KIAA1671: variants seen among roughly 807,000 people sequenced by gnomAD.
KIAA1671 encodes the protein uncharacterized protein KIAA1671.
A neutral mutation model predicts 131.2 loss-of-function variants in KIAA1671; 52 were observed. The observed-to-expected ratio is 0.40, with a 90% CI of 0.32 to 0.50. The LOEUF is 0.50. Among genes scored for constraint, KIAA1671 ranks in the 20% least tolerant of loss-of-function variants. KIAA1671 has a pLI of 0.73. For synonymous variants in KIAA1671, 1,003 were observed against 961.6 expected (o/e 1.04, Z -0.80); for missense variants, 2,360 against 2,364.2 (o/e 1.00, Z 0.04).
intron 10 of KIAA1671, among the ~76,000 whole-genome samples, chr22:25,183,426 TTCCCTCCCTCCCTCCCTCCCTCCC>T (rs67759608): frequency 9.0e-6 from 1 of 110,908 alleles, no homozygotes; most frequent in Non-Finnish European, 1.8e-5. Context: ...CTGACTTTCT[TTCCCTCCCTCCCTCCCTCCCTCCC>T]TCCCTCCCTC....
intron 1 of KIAA1671, among the ~76,000 whole-genome samples, chr22:24,990,577 T>C (rs774293199): frequency 3.3e-5 from 5 of 152,226 alleles, no homozygotes; most frequent in Non-Finnish European, 4.4e-5. Context: ...GGTGGTGGTA[T>C]GAGGTTTGGG....
At chr22:24,963,628 C>G (rs1407881610) in intron 1 of KIAA1671, among the ~76,000 whole-genome samples, 1 of 152,060 alleles carries the variant, frequency 6.6e-6, no homozygotes, top group African/African-American at 2.4e-5. Context: ...TCTGCCTAGA[C>G]TCTTTGCCTT....
At chr22:25,120,668 T>C (rs1202647626) in intron 6 of KIAA1671, among the ~76,000 whole-genome samples, 1 of 152,252 alleles carries the variant, frequency 6.6e-6, no homozygotes, top group African/African-American at 2.4e-5. Flanking sequence ...TAACATCACA[T>C]TGATGAAAAC....
intron 6 of KIAA1671, among the ~76,000 whole-genome samples, chr22:25,084,555 C>T (rs1929599675): frequency 6.6e-6 from 1 of 152,006 alleles, no homozygotes; most frequent in Non-Finnish European, 1.5e-5. Context: ...AGGGCAGGGA[C>T]CTGTTGAAGA....
intron 6 of KIAA1671, among the ~76,000 whole-genome samples, chr22:25,137,631 T>C (rs559459302): frequency 1.3e-5 from 2 of 152,378 alleles, no homozygotes; most frequent in African/African-American, 2.4e-5. Flanking sequence ...AAACTGGACA[T>C]GTGCTGAGGA....
intron 4 of KIAA1671, 63 bp downstream of exon 4, chr22:25,032,759 A>G: frequency 9.8e-7 from 1 of 1,020,110 alleles, no homozygotes; most frequent in Non-Finnish European, 1.5e-6. Flanking sequence ...TGCTGGAGAA[A>G]GAGCCTCCAT....
rs189917497 is a variant in KIAA1671, at chr22:25,149,454, C to T, written c.4531-21366C>T. Among the ~76,000 whole-genome samples, 13 of 152,246 alleles carry T rather than the reference C, an allele frequency of 8.5e-5. No individual in the cohort carries two copies. In the East Asian group the frequency reaches 1.5e-3, roughly 18 times the overall value. On this transcript the variant is annotated intron_variant, in intron 6 of 12. Coordinates refer to ENST00000358431, the MANE Select transcript of KIAA1671 (RefSeq NM_001145206.2). ...GTGGAAGATTTGATTTTCTGGGGTG[C>T]TGATCACCATCCCTGGCTTGAATCC...
At chr22:25,159,012 C>A (rs1933343838) in intron 6 of KIAA1671, among the ~76,000 whole-genome samples, 1 of 152,110 alleles carries the variant, frequency 6.6e-6, no homozygotes, top group African/African-American at 2.4e-5. Flanking sequence ...ATTCTTATTG[C>A]CTCCCTGCCT....
intron 6 of KIAA1671, among the ~76,000 whole-genome samples, chr22:25,137,010 C>T (rs1419971557): frequency 6.6e-6 from 1 of 152,164 alleles, no homozygotes; most frequent in Non-Finnish European, 1.5e-5. Context: ...TTCAGCTCCG[C>T]AATCCTATTA....
At position 25,195,387 on chromosome 22, in the gene KIAA1671, T is replaced by C. The variant is rs1471728051; in HGVS notation, c.*2986T>C. 6.6e-6 allele frequency: 1 copy of C among 151,970 alleles called. No homozygotes were observed. Among genetic ancestry groups the C allele is most frequent in the African/African-American group, 2.4e-5 (1 of 41,394 alleles). 9.4% of individuals were successfully genotyped at this position (151,970 alleles called of 1,614,324 possible). A position where few individuals can be genotyped will look rare whatever the true frequency, so the allele number is the denominator to read the frequency against. On this transcript the variant is annotated 3_prime_UTR_variant, in exon 13 of 13. Transcript: ENST00000358431. ...GATTACTCCATGCCACCGGAGAAAC[T>C]CTGGTGAAAGAGAAACCTCGTGGTC... is the stretch of plus-strand genomic sequence containing the variant.
In KIAA1671 at chr22:25,029,237, T is replaced by A. The variant is rs1926131642; in HGVS notation, c.1238T>A (p.Leu413His). 2 of 1,475,024 alleles carry A rather than the reference T, an allele frequency of 1.4e-6. No individual in the cohort carries two copies. The highest frequency in any genetic ancestry group is 1.8e-6 in the Non-Finnish European group (2 of 1,108,274). The allele number at this position is 1,475,024 out of a possible 1,614,324, so 91.4% of individuals were successfully genotyped here. The change falls in exon 3 of 13, where the codon CTT (leucine) becomes CAT (histidine). Residue 413 changes from leucine (L) to histidine (H), a missense_variant. Coordinates refer to ENST00000358431, the MANE Select transcript of KIAA1671 (RefSeq NM_001145206.2). Reference sequence around the variant, plus strand: ...CCCAGGCTGGGAAGGGGCCTAGAACTTGCTGAGGTTAAGAGCAGAGTGGCG... The same window carrying A: ...CCCAGGCTGGGAAGGGGCCTAGAACATGCTGAGGTTAAGAGCAGAGTGGCG... ...PSPRLGRGLE[L>H]AEVKSRVADG... is the part of the protein sequence containing the mutation.
intron 1 of KIAA1671, among the ~76,000 whole-genome samples, chr22:24,977,570 C>A (rs1385601263): frequency 6.6e-6 from 1 of 152,354 alleles, no homozygotes; most frequent in Admixed American, 6.5e-5. Flanking sequence ...CCACCTCCCC[C>A]AGCCCACCCT....
chr22:24,973,531 A>C (rs1397718165), intron 1 of KIAA1671, among the ~76,000 whole-genome samples: 1 of 148,692 alleles, frequency 6.7e-6, no homozygotes, highest in Non-Finnish European at 1.5e-5. Flanking sequence ...AGTAGCTGGG[A>C]TACAGGCATG....
At chr22:25,020,277 G>C (rs899955589) in intron 1 of KIAA1671, among the ~76,000 whole-genome samples, 1 of 152,166 alleles carries the variant, frequency 6.6e-6, no homozygotes, top group African/African-American at 2.4e-5. Flanking sequence ...TTGTTGAGAA[G>C]ATGAATGAGA....
chr22:25,100,610 C>A (rs1019629544), intron 6 of KIAA1671, among the ~76,000 whole-genome samples: 1 of 152,198 alleles, frequency 6.6e-6, no homozygotes, highest in Non-Finnish European at 1.5e-5. Flanking sequence ...TTGTCCAGAG[C>A]CTCTGTTGTC....
Position 24,995,355 on chromosome 22 carries a change from G to GT in KIAA1671, c.-207-30264dup, listed in dbSNP as rs75900994. The stretch of plus-strand genomic sequence containing the variant: ...GCGTGAGCCACTGCGCCCGGCCAAG[G>GT]TTTTTTTTTTTTTTCTTGGCAGGGG... On this transcript the variant is annotated intron_variant, in intron 1 of 12. Coordinates refer to ENST00000358431, the MANE Select transcript of KIAA1671 (RefSeq NM_001145206.2). Among the ~76,000 whole-genome samples the GT allele has an allele frequency of 5.3e-3, 717 of 136,156 alleles. 3 individuals carry two copies. Among genetic ancestry groups the GT allele is most frequent in the African/African-American group, 0.013 (465 of 36,828 alleles). 89.3% of individuals were successfully genotyped at this position (136,156 alleles called of 152,430 possible). A position where few individuals can be genotyped will look rare whatever the true frequency, so the allele number is the denominator to read the frequency against.
intron 5 of KIAA1671, chr22:25,048,866 C>T: frequency 5.7e-6 from 1 of 174,552 alleles, no homozygotes; most frequent in Non-Finnish European, 1.2e-5. Flanking sequence ...AAGCCAGGTG[C>T]CCAGGACTTG....
intron 4 of KIAA1671, among the ~76,000 whole-genome samples, 173 bp from the exon 5 acceptor site, chr22:25,038,587 G>A (rs753558008): frequency 3.3e-5 from 5 of 152,226 alleles, no homozygotes; most frequent in Non-Finnish European, 7.3e-5. Flanking sequence ...AACAGTATCT[G>A]AGTGTCCATT....
chr22:25,043,367 C>T (rs1927052688), intron 5 of KIAA1671, among the ~76,000 whole-genome samples: 1 of 152,122 alleles, frequency 6.6e-6, no homozygotes, highest in Non-Finnish European at 1.5e-5. Context: ...GTGTGATCAT[C>T]TTCCTGTACA....
Sources: allele counts gnomAD v4.1 joint callset (sites outside exome capture counted in the v4.1 genomes callset), GRCh38; gene constraint gnomAD v4.1.1; transcripts MANE v1.5; gene names NCBI Gene and HGNC (gene_info 2026-07-23, HGNC 2026-07-21).